CDH18: variants seen among roughly 807,000 people sequenced by gnomAD.
CDH18 encodes the protein cadherin-18.
Under a neutral mutation model 67.9 loss-of-function variants are expected in CDH18, and 31 were observed. That is an observed-to-expected ratio of 0.46 (90% CI 0.34 to 0.62). The LOEUF (loss-of-function observed/expected upper bound fraction) is 0.62. Among genes scored for constraint, CDH18 ranks in the 20% least tolerant of loss-of-function variants. The probability of loss-of-function intolerance (pLI) is 0.01; values close to 1 mark genes in which losing one functional copy is unlikely to be tolerated. For synonymous variants in CDH18, 362 were observed against 347.2 expected (o/e 1.04, Z -0.48); for missense variants, 890 against 975.5 (o/e 0.91, Z 1.17).
chr5:19,746,692 CAT>C (rs1048388214), intron 4 of CDH18, among the ~76,000 whole-genome samples: 1 of 152,106 alleles, frequency 6.6e-6, no homozygotes, highest in Non-Finnish European at 1.5e-5. Flanking sequence ...CAAATTTATA[CAT>C]GTTTCTTTCC....
chr5:20,458,439 G>A (rs537296186), intron 1 of CDH18, among the ~76,000 whole-genome samples: 13 of 152,238 alleles, frequency 8.5e-5, no homozygotes, highest in Admixed American at 2.0e-4. Flanking sequence ...CCAACATGGT[G>A]AGATCCTGTC....
intron 3 of CDH18, among the ~76,000 whole-genome samples, chr5:19,792,155 T>A (rs1776427345): frequency 1.3e-5 from 2 of 152,090 alleles, no homozygotes; most frequent in Non-Finnish European, 2.9e-5. Flanking sequence ...TTTTTTTGAA[T>A]TAGTAGATAG....
chr5:20,304,937 C>G lies in CDH18; in HGVS notation c.-579-49432G>C, dbSNP rs562880317. Reference sequence around the variant, plus strand: ...AGGGGGTTTGTATTCACGTGCTTCACTATCCAATCCCGCACGGAGCAGTTC... The same window carrying G: ...AGGGGGTTTGTATTCACGTGCTTCAGTATCCAATCCCGCACGGAGCAGTTC... On this transcript the variant is annotated intron_variant, in intron 1 of 14. Transcript: ENST00000507958. The G allele has an allele frequency of 1.3e-4, 217 of 1,613,788 alleles. No homozygotes were observed. The East Asian group carries it at 4.7e-3, about 35-fold the overall frequency.
chr5:20,169,348 T>C (rs982592381), intron 2 of CDH18, among the ~76,000 whole-genome samples: 18 of 152,124 alleles, frequency 1.2e-4, no homozygotes, highest in African/African-American at 4.1e-4. Flanking sequence ...TACAGTACTT[T>C]CTAAATTCTT....
chr5:20,187,688 GA>G (rs1359261531), intron 2 of CDH18, among the ~76,000 whole-genome samples: 3 of 151,750 alleles, frequency 2.0e-5, no homozygotes, highest in African/African-American at 7.3e-5. Context: ...AATAAATCTT[GA>G]AAATATATGT....
At chr5:19,905,643 A>C (rs910889396) in intron 2 of CDH18, among the ~76,000 whole-genome samples, 1 of 152,008 alleles carries the variant, frequency 6.6e-6, no homozygotes, top group African/African-American at 2.4e-5. Context: ...TTTTTTACCT[A>C]TATATACTTG....
In CDH18 at chr5:20,557,921, TA is replaced by T. The variant is rs755019456; in HGVS notation, c.-580+17540del. Among the ~76,000 whole-genome samples the T allele has an allele frequency of 3.6e-3, 267 of 73,894 alleles. 35 individuals carry two copies. Among genetic ancestry groups the T allele is most frequent in the Middle Eastern group, 6.8e-3 (1 of 148 alleles). The allele number at this position is 73,894 out of a possible 152,430, so 48.5% of individuals were successfully genotyped here. ...TATAACATTTAATGTTATAGTTATA[TA>T]ACATTTAATGTTATAGTTATATAAC... On this transcript the variant is annotated intron_variant, in intron 1 of 14. Transcript: ENST00000507958.
At chr5:19,776,033 A>G (rs1236835399) in intron 3 of CDH18, among the ~76,000 whole-genome samples, 1 of 152,170 alleles carries the variant, frequency 6.6e-6, no homozygotes, top group African/African-American at 2.4e-5. Flanking sequence ...TACTGTACAC[A>G]AAATTATCAG....
intron 1 of CDH18, among the ~76,000 whole-genome samples, chr5:20,516,746 A>G (rs1755399541): frequency 6.6e-6 from 1 of 151,944 alleles, no homozygotes; most frequent in African/African-American, 2.4e-5. Context: ...TTGTATGACT[A>G]TTTATAACAA....
At chr5:19,806,959 TATATA>T (rs1183640421) in intron 3 of CDH18, among the ~76,000 whole-genome samples, 1 of 152,238 alleles carries the variant, frequency 6.6e-6, no homozygotes, top group African/African-American at 2.4e-5. Flanking sequence ...ACACTAAGAC[TATATA>T]ATATAATACT....
At chr5:20,415,748 C>T (rs1488577153) in intron 1 of CDH18, among the ~76,000 whole-genome samples, 1 of 151,762 alleles carries the variant, frequency 6.6e-6, no homozygotes, top group Non-Finnish European at 1.5e-5. Context: ...CTCACTCCAG[C>T]CTGGGTGACA....
At chr5:20,206,294 C>A (rs1739882847) in intron 2 of CDH18, among the ~76,000 whole-genome samples, 1 of 151,688 alleles carries the variant, frequency 6.6e-6, no homozygotes, top group Non-Finnish European at 1.5e-5. Context: ...CATGAAGAAA[C>A]AGAAAACCTT....
intron 5 of CDH18, among the ~76,000 whole-genome samples, chr5:19,636,917 A>G (rs973529511): frequency 6.6e-6 from 1 of 152,074 alleles, no homozygotes; most frequent in Non-Finnish European, 1.5e-5. Context: ...ATAACAATGG[A>G]TTTACCTTTT....
rs116692604 is a variant in CDH18, at chr5:19,817,927, C to G, written c.228+20832G>C. On this transcript the variant is annotated intron_variant, in intron 3 of 12. Transcript: ENST00000382275. ...ATAATACATAAATAAATTTGTGTGT[C>G]TATGTCCCCATAACATGTTATTTAT... Among the ~76,000 whole-genome samples, 599 of 152,158 alleles carry G rather than the reference C, an allele frequency of 3.9e-3. 1 individual carries two copies. Among genetic ancestry groups the G allele is most frequent in the African/African-American group, 0.014 (578 of 41,532 alleles).
intron 2 of CDH18, among the ~76,000 whole-genome samples, chr5:20,013,770 AT>A (rs879528260): frequency 3.3e-5 from 5 of 152,122 alleles, no homozygotes; most frequent in East Asian, 1.9e-4. Context: ...AACCAAAAAA[AT>A]ATCTCTTCAT....
At chr5:19,746,814 A>G (rs1374174944) in intron 4 of CDH18, 128 bp downstream of exon 4, 1 of 750,954 alleles carries the variant, frequency 1.3e-6, no homozygotes. Flanking sequence ...AAATACTAAA[A>G]TATTTTGAAA....
intron 9 of CDH18, among the ~76,000 whole-genome samples, chr5:19,540,134 T>C (rs1194048554): frequency 6.6e-6 from 1 of 151,924 alleles, no homozygotes; most frequent in African/African-American, 2.4e-5. Context: ...CCATTCCAAA[T>C]GGGAAAAATT....
At chr5:20,411,370 G>A (rs1412736003) in intron 1 of CDH18, among the ~76,000 whole-genome samples, 2 of 148,764 alleles carry the variant, frequency 1.3e-5, no homozygotes, top group Non-Finnish European at 3.0e-5. Context: ...TCAACTAATT[G>A]TGTTAAGAAA....
intron 2 of CDH18, among the ~76,000 whole-genome samples, chr5:20,224,694 T>C (rs979608764): frequency 6.6e-6 from 1 of 152,102 alleles, no homozygotes; most frequent in Non-Finnish European, 1.5e-5. Flanking sequence ...AAAGAACAAA[T>C]AGTGTTTCTC....
Sources: gnomAD v4.1 joint callset for allele counts (sites outside exome capture counted in the v4.1 genomes callset) on GRCh38, gnomAD v4.1.1 for gene constraint, MANE v1.5 for transcripts, NCBI Gene and HGNC (gene_info 2026-07-23, HGNC 2026-07-21) for gene names.